Variants in SPIDR observed in about 807,000 individuals in gnomAD.
SPIDR encodes DNA repair-scaffolding protein.
Under a neutral mutation model 104.6 loss-of-function variants are expected in SPIDR, and 93 were observed. That is an observed-to-expected ratio of 0.89 (90% CI 0.75 to 1.06). The LOEUF (loss-of-function observed/expected upper bound fraction) is 1.06, where lower values mean the gene tolerates loss of function less well. Among genes scored for constraint, SPIDR ranks in the 50% least tolerant of loss-of-function variants. The pLI is 0.00. For missense variants in SPIDR, 1,154 were observed against 1,111.2 expected, an observed-to-expected ratio of 1.04 and a Z score of -0.55; for synonymous variants, 431 against 416.9, an observed-to-expected ratio of 1.03 and a Z score of -0.41.
At chr8:47,393,685 TTCCTTTCCTTTCCTTTCC>T (rs2154309236) in intron 5 of SPIDR, among the ~76,000 whole-genome samples, 1 of 45,424 alleles carries the variant, frequency 2.2e-5, no homozygotes, top group East Asian at 8.5e-4. Flanking sequence ...TTCCTTTCCT[TTCCTTTCCTTTCCTTTCC>T]TTTCCTTTCC....
chr8:47,555,454 A>G (rs2154399202), intron 8 of SPIDR, among the ~76,000 whole-genome samples: 1 of 152,340 alleles, frequency 6.6e-6, no homozygotes, highest in South Asian at 2.1e-4. Flanking sequence ...TCTACAGAAG[A>G]AACTGGGAGA....
chr8:47,584,663 TTACC>T (rs2060081540), intron 8 of SPIDR, among the ~76,000 whole-genome samples: 1 of 152,222 alleles, frequency 6.6e-6, no homozygotes, highest in Non-Finnish European at 1.5e-5. Context: ...CACATACACT[TTACC>T]TACTGCTTCC....
intron 8 of SPIDR, among the ~76,000 whole-genome samples, chr8:47,586,122 A>T (rs954108547): frequency 4.6e-5 from 7 of 152,154 alleles, no homozygotes; most frequent in Non-Finnish European, 1.0e-4. Context: ...CATTTTGTTT[A>T]ACCATTCACC....
chr8:47,277,319 TGTTATGTTA>T (rs2036667328), intron 1 of SPIDR, among the ~76,000 whole-genome samples: 4 of 2,520 alleles, frequency 1.6e-3, no homozygotes, highest in Non-Finnish European at 2.8e-3. Context: ...ATGTTTGTTA[TGTTATGTTA>T]TGTTATGTTA....
At chr8:47,351,212 T>G (rs1554622161) in intron 5 of SPIDR, among the ~76,000 whole-genome samples, 1 of 152,254 alleles carries the variant, frequency 6.6e-6, no homozygotes, top group Non-Finnish European at 1.5e-5. Context: ...ATTTATAAAT[T>G]AAGCTTCATC....
At chr8:47,531,725 A>C (rs1048257478) in intron 8 of SPIDR, among the ~76,000 whole-genome samples, 2 of 152,182 alleles carry the variant, frequency 1.3e-5, no homozygotes, top group Non-Finnish European at 2.9e-5. Context: ...AGAAAGTCTT[A>C]TTAGTCAATT....
rs548958081 is a variant in SPIDR at position 47,328,001 on chromosome 8, T to G, written c.525+33971T>G. ...GCATGAGCCACGACCCCTGGCCGTGTTTTTTTTTTGGTTTTTTTTTTTCAC... is the reference window on the plus strand; with the variant it reads ...GCATGAGCCACGACCCCTGGCCGTGGTTTTTTTTTGGTTTTTTTTTTTCAC... On this transcript the variant is annotated intron_variant, in intron 5 of 19. Coordinates refer to ENST00000297423, the MANE Select transcript of SPIDR (RefSeq NM_001080394.4). 9.1e-5 allele frequency among the ~76,000 whole-genome samples: 13 copies of G among 143,192 alleles called. No individual in the cohort carries two copies. The East Asian group carries it at 2.3e-3, about 25-fold the overall frequency. The allele number at this position is 143,192 out of a possible 152,430, so 93.9% of individuals were successfully genotyped here. A position where few individuals can be genotyped will look rare whatever the true frequency, so the allele number is the denominator to read the frequency against.
chr8:47,369,927 G>C (rs2057757636), intron 5 of SPIDR, among the ~76,000 whole-genome samples: 2 of 151,582 alleles, frequency 1.3e-5, no homozygotes, highest in South Asian at 4.2e-4. Flanking sequence ...GTTTTTTAAG[G>C]GTTCCCTACC....
chr8:47,303,087 C>T (rs1340012493), intron 5 of SPIDR, among the ~76,000 whole-genome samples: 2 of 152,232 alleles, frequency 1.3e-5, no homozygotes, highest in Admixed American at 6.5e-5. Flanking sequence ...CTGTGGTGCG[C>T]TCCACCCAGT....
chr8:47,535,089 C>T (rs1235921070), intron 8 of SPIDR, among the ~76,000 whole-genome samples: 1 of 152,060 alleles, frequency 6.6e-6, no homozygotes, highest in Non-Finnish European at 1.5e-5. Context: ...CCAAAACTCG[C>T]ACAAGGAGAA....
At chr8:47,397,467 G>A (rs1384290320) in intron 6 of SPIDR, among the ~76,000 whole-genome samples, 3 of 152,156 alleles carry the variant, frequency 2.0e-5, no homozygotes, top group East Asian at 3.9e-4. Context: ...TTGCACTCCA[G>A]CCTGGGCAAC....
At chr8:47,720,094 T>C (rs2154491682) in intron 16 of SPIDR, among the ~76,000 whole-genome samples, 1 of 152,384 alleles carries the variant, frequency 6.6e-6, no homozygotes, top group African/African-American at 2.4e-5. Flanking sequence ...GAATGTCATA[T>C]AGTTGGAATC....
intron 7 of SPIDR, among the ~76,000 whole-genome samples, chr8:47,415,504 A>C (rs147434175): frequency 1.0e-3 from 157 of 152,332 alleles, no homozygotes; most frequent in African/African-American, 3.5e-3. Context: ...GTTGAAACCT[A>C]ATCACCAGTT....
intron 15 of SPIDR, chr8:47,713,224 A>G (rs943735916): frequency 3.4e-6 from 2 of 595,682 alleles, no homozygotes; most frequent in Non-Finnish European, 5.5e-6. Flanking sequence ...TGCCTCAGCT[A>G]TCTTTTTTAA....
intron 10 of SPIDR, among the ~76,000 whole-genome samples, chr8:47,601,992 CTG>C (rs139457990): frequency 0.13 from 19,614 of 152,170 alleles, 1,855 homozygotes; most frequent in African/African-American, 0.24. Flanking sequence ...AGAAGTAAAA[CTG>C]TACTTTATTC....
intron 9 of SPIDR, 30 bp downstream of exon 9, chr8:47,596,036 G>C (rs1243162018): frequency 1.3e-6 from 2 of 1,575,776 alleles, no homozygotes; most frequent in Admixed American, 1.9e-5. Flanking sequence ...AAGGTTTTAT[G>C]CTTGTAATAA....
chr8:47,652,857 T>C (rs1475139441), intron 10 of SPIDR, among the ~76,000 whole-genome samples: 2 of 152,124 alleles, frequency 1.3e-5, no homozygotes, highest in Non-Finnish European at 2.9e-5. Flanking sequence ...TCCAAGCCAG[T>C]CAGTCAGCTT....
chr8:47,471,770 T>A (rs191531737), intron 8 of SPIDR, among the ~76,000 whole-genome samples: 4 of 152,310 alleles, frequency 2.6e-5, no homozygotes, highest in African/African-American at 7.2e-5. Context: ...ATTGGCTACT[T>A]CTTCTCTGGT....
intron 5 of SPIDR, among the ~76,000 whole-genome samples, chr8:47,377,045 A>G (rs2058739952): frequency 6.6e-6 from 1 of 152,178 alleles, no homozygotes; most frequent in East Asian, 1.9e-4. Context: ...TAAAATATTT[A>G]CCATATAGTC....
Sources: allele counts gnomAD v4.1 joint callset (sites outside exome capture counted in the v4.1 genomes callset), GRCh38; gene constraint gnomAD v4.1.1; transcripts MANE v1.5; gene names NCBI Gene and HGNC (gene_info 2026-07-23, HGNC 2026-07-21).